The following CACNA2D3 variants were observed in gnomAD, a reference collection of about 807,000 sequenced individuals.
CACNA2D3 encodes the protein calcium voltage-gated channel auxiliary subunit alpha2delta 3.
CACNA2D3 carries 60 observed loss-of-function variants against 160.6 expected under a neutral mutation model. That is an observed-to-expected ratio of 0.37 (90% CI 0.30 to 0.46). The LOEUF (loss-of-function observed/expected upper bound fraction) is 0.46, where lower values mean the gene tolerates loss of function less well. Among genes scored for constraint, CACNA2D3 ranks in the 20% least tolerant of loss-of-function variants. The pLI, the probability that CACNA2D3 is intolerant of heterozygous loss-of-function variation, is 1.00. For synonymous variants in CACNA2D3, 558 were observed against 492.9 expected (o/e 1.13, Z -1.75); for missense variants, 1,205 against 1,365.0 (o/e 0.88, Z 1.85).
intron 11 of CACNA2D3, among the ~76,000 whole-genome samples, chr3:54,677,718 T>C (rs920105133): frequency 2.6e-5 from 4 of 152,176 alleles, no homozygotes; most frequent in African/African-American, 9.7e-5. Flanking sequence ...TTTGCCCCAG[T>C]TGATTCATTA....
chr3:55,034,912 G>T (rs1703778803), intron 35 of CACNA2D3, among the ~76,000 whole-genome samples: 1 of 152,072 alleles, frequency 6.6e-6, no homozygotes, highest in Non-Finnish European at 1.5e-5. Flanking sequence ...AAATAGTTTG[G>T]AACCATTCTT....
intron 2 of CACNA2D3, among the ~76,000 whole-genome samples, chr3:54,186,432 A>T (rs1197739058): frequency 6.6e-6 from 1 of 152,208 alleles, no homozygotes; most frequent in African/African-American, 2.4e-5. Context: ...GCACTGTGGT[A>T]AATTATGCAT....
rs1701996273 is a variant in CACNA2D3 at position 54,542,408 on chromosome 3, A to G, written c.545-20392A>G. Among the ~76,000 whole-genome samples the G allele has an allele frequency of 2.0e-5, 3 of 152,156 alleles. No homozygotes were observed. In the South Asian group the frequency reaches 6.2e-4, roughly 32 times the overall value. On this transcript the variant is annotated intron_variant, in intron 5 of 37. Coordinates refer to ENST00000474759, the MANE Select transcript of CACNA2D3 (RefSeq NM_018398.3). ...ATTAACTCACATAGGCACAAAGTAA[A>G]GTCCCACAATGGACCATCTGCAAGT...
intron 27 of CACNA2D3, among the ~76,000 whole-genome samples, chr3:54,916,852 G>A (rs1226484046): frequency 6.6e-6 from 1 of 152,216 alleles, no homozygotes; most frequent in Non-Finnish European, 1.5e-5. Flanking sequence ...ACCCTGAGTA[G>A]CAAATGTGTT....
intron 35 of CACNA2D3, among the ~76,000 whole-genome samples, chr3:55,059,259 A>G (rs1704441475): frequency 6.6e-6 from 1 of 152,260 alleles, no homozygotes; most frequent in Non-Finnish European, 1.5e-5. Flanking sequence ...GATAGAAAAT[A>G]GAAGATTAGA....
intron 35 of CACNA2D3, among the ~76,000 whole-genome samples, chr3:55,051,951 G>A (rs1003692862): frequency 5.9e-5 from 9 of 152,080 alleles, no homozygotes; most frequent in Non-Finnish European, 8.8e-5. Flanking sequence ...GCAATGCCTC[G>A]CCCTGCTTCG....
At chr3:54,562,689 C>T in intron 5 of CACNA2D3, 111 bp from the exon 6 acceptor site, 1 of 902,018 alleles carries the variant, frequency 1.1e-6, no homozygotes, top group Non-Finnish European at 1.7e-6. Context: ...TCATAGCCTC[C>T]TGCAAGATGG....
intron 13 of CACNA2D3, among the ~76,000 whole-genome samples, chr3:54,807,496 C>G (rs1703164743): frequency 1.3e-5 from 2 of 152,080 alleles, no homozygotes; most frequent in Non-Finnish European, 2.9e-5. Flanking sequence ...AAATCAAAAC[C>G]ACAATGAGAT....
intron 17 of CACNA2D3, among the ~76,000 whole-genome samples, chr3:54,847,711 A>G (rs1220269308): frequency 6.6e-6 from 1 of 152,242 alleles, no homozygotes; most frequent in Non-Finnish European, 1.5e-5. Flanking sequence ...TTCCAAATGT[A>G]ACTCAGAATT....
chr3:54,851,517 G>A (rs932014981), intron 17 of CACNA2D3, among the ~76,000 whole-genome samples: 11 of 152,196 alleles, frequency 7.2e-5, no homozygotes, highest in African/African-American at 2.2e-4. Context: ...ACTCTGCTGC[G>A]TGGGTTCTTC....
chr3:54,293,971 G>T (rs1217030086), intron 2 of CACNA2D3, among the ~76,000 whole-genome samples: 4 of 152,298 alleles, frequency 2.6e-5, no homozygotes, highest in African/African-American at 9.6e-5. Flanking sequence ...GGTAGTGGAA[G>T]GCCCCCAGAA....
At chr3:54,191,397 A>ACATCATCATCATCAT (rs10533577) in intron 2 of CACNA2D3, among the ~76,000 whole-genome samples, 1,528 of 150,014 alleles carry the variant, frequency 0.01, 18 homozygotes, top group Admixed American at 0.04. Context: ...TAAAACATCA[A>ACATCATCATCATCAT]CATCATCATC....
intron 6 of CACNA2D3, among the ~76,000 whole-genome samples, chr3:54,565,310 T>TAG (rs1453945658): frequency 6.6e-6 from 1 of 152,026 alleles, no homozygotes; most frequent in Non-Finnish European, 1.5e-5. Flanking sequence ...CTGAGGGAAA[T>TAG]AGAAGGTGCT....
At chr3:54,718,543 T>C (rs1364407865) in intron 11 of CACNA2D3, among the ~76,000 whole-genome samples, 10 of 152,016 alleles carry the variant, frequency 6.6e-5, no homozygotes, top group Admixed American at 6.6e-4. Flanking sequence ...ATGCTATTGG[T>C]CTGTTTATGT....
intron 11 of CACNA2D3, among the ~76,000 whole-genome samples, chr3:54,671,597 C>A (rs990083632): frequency 1.3e-5 from 2 of 152,104 alleles, no homozygotes; most frequent in African/African-American, 4.8e-5. Flanking sequence ...TCCAGTGTTT[C>A]CCCCAGCAGA....
intron 26 of CACNA2D3, 118 bp downstream of exon 26, chr3:54,896,988 C>A: frequency 1.5e-6 from 2 of 1,312,576 alleles, no homozygotes; most frequent in Non-Finnish European, 2.2e-6. Context: ...ACCCTCAGAG[C>A]CAGTGCTGAA....
At chr3:54,932,191 T>C (rs1701207023) in intron 27 of CACNA2D3, among the ~76,000 whole-genome samples, 1 of 151,794 alleles carries the variant, frequency 6.6e-6, no homozygotes, top group African/African-American at 2.4e-5. Context: ...AAAATAATAA[T>C]AATAAATGAA....
chr3:54,697,158 G>A (rs112740842), intron 11 of CACNA2D3, among the ~76,000 whole-genome samples: 1,553 of 152,138 alleles, frequency 0.01, 24 homozygotes, highest in African/African-American at 0.034. Flanking sequence ...CATGCTTGTG[G>A]TCCCAGCTAC....
intron 3 of CACNA2D3, among the ~76,000 whole-genome samples, chr3:54,339,401 CT>C (rs1171379758): frequency 1.3e-5 from 2 of 152,230 alleles, no homozygotes; most frequent in Non-Finnish European, 2.9e-5. Flanking sequence ...CCCTTCACCC[CT>C]AACACCTCCC....
Sources: allele counts gnomAD v4.1 joint callset (sites outside exome capture counted in the v4.1 genomes callset), GRCh38; gene constraint gnomAD v4.1.1; transcripts MANE v1.5; gene names NCBI Gene and HGNC (gene_info 2026-07-23, HGNC 2026-07-21).